Variants in SLC4A8 observed in about 807,000 individuals in gnomAD.
SLC4A8 encodes solute carrier family 4 member 8, also known as electroneutral sodium bicarbonate exchanger 1.
Under a neutral mutation model 125.0 loss-of-function variants are expected in SLC4A8, and 40 were observed. The observed-to-expected ratio is 0.32, with a 90% CI of 0.25 to 0.42. The LOEUF (loss-of-function observed/expected upper bound fraction) is 0.42, where lower values mean the gene tolerates loss of function less well. SLC4A8 is among the 10% of genes least tolerant of loss of function. The pLI, the probability that SLC4A8 is intolerant of heterozygous loss-of-function variation, is 1.00. For synonymous variants in SLC4A8, 456 were observed against 476.0 expected, an observed-to-expected ratio of 0.96 and a Z score of 0.55; for missense variants, 863 against 1,355.1, an observed-to-expected ratio of 0.64 and a Z score of 5.70.
At chr12:51,470,279 A>G in intron 12 of SLC4A8, 113 bp from the exon 13 acceptor site, 4 of 891,726 alleles carry the variant, frequency 4.5e-6, no homozygotes, top group Non-Finnish European at 7.2e-6. Flanking sequence ...AAGATGAAAT[A>G]CAAGCAAATG....
At chr12:51,478,664 G>C (rs182552081) in intron 16 of SLC4A8, among the ~76,000 whole-genome samples, 1 of 152,290 alleles carries the variant, frequency 6.6e-6, no homozygotes, top group African/African-American at 2.4e-5. Flanking sequence ...AATGAAACAG[G>C]ATTTATTGCT....
Position 51,505,900 on chromosome 12 carries a change from G to C in SLC4A8, c.3239G>C (p.Ser1080Thr). 1 of 1,577,294 alleles carries C rather than the reference G, an allele frequency of 6.3e-7. No homozygotes were observed. ...MPKTTVWKAL[S>T]MNSGNAKEKS... ...AAAACTACAGTTTGGAAAGCTCTCA[G>C]TATGAATTCTGGAAATGCAAAGGAA... Residue 1080 changes from serine (S) to threonine (T), a missense_variant, in exon 24 of 25, where the codon AGT (serine) becomes ACT (threonine). Ser to Thr is a moderately conservative substitution (Grantham distance 58, BLOSUM62 1). Around this residue, in one of 6 missense-constraint regions of SLC4A8, gnomAD observed 92 missense variants for 125.6 expected, o/e 0.73. Transcript: ENST00000453097.
At chr12:51,455,402 G>T (rs1023490501) in intron 5 of SLC4A8, among the ~76,000 whole-genome samples, 3 of 152,080 alleles carry the variant, frequency 2.0e-5, no homozygotes, top group Non-Finnish European at 2.9e-5. Flanking sequence ...ATAATAATTA[G>T]AGAAAGGGGC....
At position 51,489,778 on chromosome 12, in the gene SLC4A8, TTTG is replaced by T; in HGVS notation, c.2529_2531del (p.Phe843_Val844delinsLeu). The stretch of plus-strand genomic sequence containing the variant: ...CTGCTCCATCATGGGCCTGCCCTGG[TTTG>T]TAGCTGCAACTGTCTTGTCCATCAC... On this transcript the variant is annotated inframe_deletion, in exon 19 of 25. Coordinates refer to ENST00000453097, the MANE Select transcript of SLC4A8 (RefSeq NM_001039960.3). 1 of 1,614,166 alleles carries T rather than the reference TTTG, an allele frequency of 6.2e-7. No homozygotes were observed. The highest frequency in any genetic ancestry group is 8.5e-7 in the Non-Finnish European group (1 of 1,180,022).
At chr12:51,395,694 G>A (rs539271775) in intron 1 of SLC4A8, among the ~76,000 whole-genome samples, 62 of 152,242 alleles carry the variant, frequency 4.1e-4, no homozygotes, top group Admixed American at 4.1e-3. Flanking sequence ...TTAGTAGGGA[G>A]GCCAGCTGGT....
intron 16 of SLC4A8, among the ~76,000 whole-genome samples, 140 bp from the exon 17 acceptor site, chr12:51,485,625 AGTTGGGCAATTAACATATTCCT>A (rs2138381599): frequency 6.6e-6 from 1 of 152,332 alleles, no homozygotes; most frequent in East Asian, 1.9e-4. Context: ...TATGAGCATC[AGTTGGGCAATTAACATATTCCT>A]GTTGTTTAAA....
At chr12:51,412,355 T>C (rs936367554) in intron 1 of SLC4A8, among the ~76,000 whole-genome samples, 9 of 152,328 alleles carry the variant, frequency 5.9e-5, no homozygotes, top group African/African-American at 2.2e-4. Flanking sequence ...TTTTGATACA[T>C]GCATACAGTA....
chr12:51,479,219 T>G (rs1434505399), intron 16 of SLC4A8, among the ~76,000 whole-genome samples: 1 of 152,194 alleles, frequency 6.6e-6, no homozygotes, highest in Non-Finnish European at 1.5e-5. Context: ...GCAGCCCACT[T>G]TGTTACTGAA....
chr12:51,415,899 C>G (rs1451846624), intron 1 of SLC4A8, among the ~76,000 whole-genome samples: 2 of 149,726 alleles, frequency 1.3e-5, no homozygotes, highest in Non-Finnish European at 3.0e-5. Context: ...TGCAAATGTA[C>G]CCCCGAATCT....
chr12:51,463,679 G>A lies in SLC4A8; in HGVS notation c.1314G>A (p.Gly438=), dbSNP rs375763131. 2.5e-5 allele frequency: 40 copies of A among 1,613,908 alleles called. No homozygotes were observed. The highest frequency in any genetic ancestry group is 3.3e-5 in the Admixed American group (2 of 60,000). ...NVCHIEQEPH[G]GHSGPELQRT... is the part of the protein sequence containing the mutation. ...GCCACATAGAACAGGAACCACATGGGGGTCACAGTGGGCCAGAACTTCAGC... is the reference window on the plus strand; with the variant it reads ...GCCACATAGAACAGGAACCACATGGAGGTCACAGTGGGCCAGAACTTCAGC... Residue 438 remains glycine (G), a synonymous_variant, in exon 11 of 25, where the codon GGG becomes GGA. Transcript: ENST00000453097.
intron 11 of SLC4A8, among the ~76,000 whole-genome samples, chr12:51,464,416 A>G (rs961927974): frequency 3.3e-5 from 5 of 152,222 alleles, no homozygotes; most frequent in Non-Finnish European, 7.3e-5. Context: ...TGTGTGCCTC[A>G]GAATAGGCAA....
intron 16 of SLC4A8, among the ~76,000 whole-genome samples, chr12:51,484,628 T>C (rs1368123472): frequency 6.6e-6 from 1 of 152,180 alleles, no homozygotes; most frequent in Admixed American, 6.5e-5. Flanking sequence ...GTACCGGTGA[T>C]ATTACGTGTG....
intron 1 of SLC4A8, among the ~76,000 whole-genome samples, chr12:51,410,617 C>G (rs571900262): frequency 6.6e-6 from 1 of 152,160 alleles, no homozygotes; most frequent in East Asian, 1.9e-4. Flanking sequence ...GCCACCAGGC[C>G]CAGCTAATTT....
chr12:51,422,980 G>A (rs192644659), upstream of SLC4A8, among the ~76,000 whole-genome samples: 133 of 152,222 alleles, frequency 8.7e-4, no homozygotes, highest in Non-Finnish European at 1.6e-3. Flanking sequence ...AAGCTCCCTT[G>A]GAGATATATA....
chr12:51,506,044 TC>T (rs1938153386), intron 24 of SLC4A8, 114 bp downstream of exon 24: 2 of 614,976 alleles, frequency 3.3e-6, no homozygotes, highest in Non-Finnish European at 5.9e-6. Context: ...AAATAGCACT[TC>T]CAGGAACTGC....
Position 51,509,343 on chromosome 12 carries a change from C to T in SLC4A8, c.*1905C>T, listed in dbSNP as rs1203813371. 2.6e-5 allele frequency: 4 copies of T among 152,182 alleles called. No individual in the cohort carries two copies. The highest frequency in any genetic ancestry group is 5.9e-5 in the Non-Finnish European group (4 of 68,044). The allele number at this position is 152,182 out of a possible 1,614,324, so 9.4% of individuals were successfully genotyped here. A position where few individuals can be genotyped will look rare whatever the true frequency, so the allele number is the denominator to read the frequency against. Reference sequence around the variant, plus strand: ...TTAAAATCTTCATGAGCCAAAGCTTCACATTTTAGCACTTTAGGATAACTG... The same window carrying T: ...TTAAAATCTTCATGAGCCAAAGCTTTACATTTTAGCACTTTAGGATAACTG... On this transcript the variant is annotated 3_prime_UTR_variant, in exon 25 of 25. Coordinates refer to ENST00000453097, the MANE Select transcript of SLC4A8 (RefSeq NM_001039960.3).
rs1236142709 is a variant in SLC4A8 at position 51,513,878 on chromosome 12, CTG to C, written c.*6442_*6443del. The C allele has an allele frequency of 1.3e-5, 2 of 152,254 alleles. No homozygotes were observed. The highest frequency in any genetic ancestry group is 4.8e-5 in the African/African-American group (2 of 41,464). The allele number at this position is 152,254 out of a possible 1,614,324, so 9.4% of individuals were successfully genotyped here. A position where few individuals can be genotyped will look rare whatever the true frequency, so the allele number is the denominator to read the frequency against. ...TCAAGAAATTTCTGGCTTGGGGAAT[CTG>C]TAGTTTCTGGTTGTCCAAAAAAGAT... On this transcript the variant is annotated 3_prime_UTR_variant, in exon 25 of 25. Coordinates refer to ENST00000453097, the MANE Select transcript of SLC4A8 (RefSeq NM_001039960.3).
intron 11 of SLC4A8, among the ~76,000 whole-genome samples, chr12:51,466,867 G>A (rs929698433): frequency 6.6e-6 from 1 of 151,978 alleles, no homozygotes; most frequent in Non-Finnish European, 1.5e-5. Flanking sequence ...TCTTTTGTCT[G>A]TTGCTCACAG....
At chr12:51,398,247 C>G (rs1208981553) in intron 1 of SLC4A8, among the ~76,000 whole-genome samples, 1 of 152,194 alleles carries the variant, frequency 6.6e-6, no homozygotes, top group Non-Finnish European at 1.5e-5. Flanking sequence ...CTTTACAGCT[C>G]TTGTTAAAAT....
Sources: gnomAD v4.1 joint callset for allele counts (sites outside exome capture counted in the v4.1 genomes callset) on GRCh38, gnomAD v4.1.1 for gene constraint, gnomAD v4.1.1 regional missense constraint, MANE v1.5 for transcripts, NCBI Gene and HGNC (gene_info 2026-07-23, HGNC 2026-07-21) for gene names.